LBH: variants seen among roughly 807,000 people sequenced by gnomAD.
LBH encodes protein LBH.
A neutral mutation model predicts 12.5 loss-of-function variants in LBH; 7 were observed. That is an observed-to-expected ratio of 0.56 (90% CI 0.32 to 1.05). LBH has a LOEUF of 1.05. Ranked by LOEUF, LBH falls within the 50% of genes least tolerant of loss-of-function variation. The pLI is 0.04. For missense variants in LBH, 119 were observed against 138.9 expected, an observed-to-expected ratio of 0.86 and a Z score of 0.72; for synonymous variants, 51 against 50.1, an observed-to-expected ratio of 1.02 and a Z score of -0.08.
Position 30,244,583 on chromosome 2 carries a change from C to A in LBH, c.129+10076C>A, listed in dbSNP as rs550483652. On this transcript the variant is annotated intron_variant, in intron 2 of 2. Transcript: ENST00000395323. Reference sequence around the variant, plus strand: ...CCCTTTACAAGAGGAGAACCTGTCGCAATTCAACTCACTATTGCAGTAAGA... The same window carrying A: ...CCCTTTACAAGAGGAGAACCTGTCGAAATTCAACTCACTATTGCAGTAAGA... Among the ~76,000 whole-genome samples the A allele has an allele frequency of 5.9e-5, 9 of 152,200 alleles. No homozygotes were observed. In the East Asian group the frequency reaches 1.7e-3, roughly 29 times the overall value.
Position 30,257,790 on chromosome 2 carries a change from C to CATTTTTTT in LBH, c.*169_*170insATTTTTTT. The CATTTTTTT allele has an allele frequency of 2.5e-6, 1 of 400,780 alleles. No individual in the cohort carries two copies. Among genetic ancestry groups the CATTTTTTT allele is most frequent in the Non-Finnish European group, 4.3e-6 (1 of 233,902 alleles). The allele number at this position is 400,780 out of a possible 1,614,324, so 24.8% of individuals were successfully genotyped here. ...AGTTGGTTTTCTTTTCTTTTCTTGCCTTTTTTTTTTTTTGAAATTTGCCGA... is the reference window on the plus strand; with the variant it reads ...AGTTGGTTTTCTTTTCTTTTCTTGCCATTTTTTTTTTTTTTTTTTTTGAAATTTGCCGA... On this transcript the variant is annotated 3_prime_UTR_variant, in exon 3 of 3. Coordinates refer to ENST00000395323, the MANE Select transcript of LBH (RefSeq NM_030915.4).
At chr2:30,246,628 C>G (rs1350111915) in intron 2 of LBH, among the ~76,000 whole-genome samples, 4 of 152,176 alleles carry the variant, frequency 2.6e-5, no homozygotes, top group African/African-American at 9.7e-5. Context: ...ATGTGCTTCT[C>G]CAGTCAATCT....
At chr2:30,243,525 C>CTTTTT (rs886828942) in intron 2 of LBH, among the ~76,000 whole-genome samples, 11 of 110,164 alleles carry the variant, frequency 1.0e-4, no homozygotes, top group South Asian at 3.0e-4. Context: ...GGGCTGGACT[C>CTTTTT]TTTTTTTTTT....
chr2:30,245,080 A>G (rs1161456868), intron 2 of LBH, among the ~76,000 whole-genome samples: 3 of 152,246 alleles, frequency 2.0e-5, no homozygotes, highest in African/African-American at 7.2e-5. Context: ...GTATGCATAA[A>G]TACATCTTTT....
At chr2:30,245,198 A>G (rs1441230299) in intron 2 of LBH, among the ~76,000 whole-genome samples, 1 of 152,232 alleles carries the variant, frequency 6.6e-6, no homozygotes, top group Non-Finnish European at 1.5e-5. Context: ...ACAGTTTTAC[A>G]TAGAGAAAGT....
intron 2 of LBH, 61 bp downstream of exon 2, chr2:30,234,568 G>A: frequency 7.8e-7 from 1 of 1,283,594 alleles, no homozygotes; most frequent in Non-Finnish European, 1.1e-6. Context: ...CTGGGGGTGA[G>A]GACAGACTTG....
chr2:30,243,809 G>A (rs1202648844), intron 2 of LBH, among the ~76,000 whole-genome samples: 1 of 151,950 alleles, frequency 6.6e-6, no homozygotes, highest in Non-Finnish European at 1.5e-5. Flanking sequence ...GATTACAGAC[G>A]TGAGCCACTG....
At chr2:30,251,272 T>C (rs1014853963) in intron 2 of LBH, among the ~76,000 whole-genome samples, 129 of 152,240 alleles carry the variant, frequency 8.5e-4, no homozygotes, top group African/African-American at 3.1e-3. Flanking sequence ...AAGTGGCTAC[T>C]GTACTGGACA....
chr2:30,231,537 G>T lies in LBH; in HGVS notation c.-202G>T, dbSNP rs1677583437. ...GGCTTCCCGGGCTCTTTGTGGGGCT[G>T]AGTGCTCAGTGGAGAGCGGGGAGTT... On this transcript the variant is annotated 5_prime_UTR_variant, in exon 1 of 3. Coordinates refer to ENST00000395323, the MANE Select transcript of LBH (RefSeq NM_030915.4). 5.1e-6 allele frequency: 3 copies of T among 587,144 alleles called. No individual in the cohort carries two copies. The highest frequency in any genetic ancestry group is 2.0e-5 in the South Asian group (1 of 49,034). The allele number at this position is 587,144 out of a possible 1,614,324, so 36.4% of individuals were successfully genotyped here. A position where few individuals can be genotyped will look rare whatever the true frequency, so the allele number is the denominator to read the frequency against.
chr2:30,240,017 T>C (rs1677761901), intron 2 of LBH, among the ~76,000 whole-genome samples: 1 of 152,152 alleles, frequency 6.6e-6, no homozygotes, highest in Admixed American at 6.6e-5. Flanking sequence ...GGGCCATACA[T>C]CCCGGCCTCC....
intron 2 of LBH, among the ~76,000 whole-genome samples, chr2:30,249,068 G>A (rs115762034): frequency 0.028 from 3,998 of 140,894 alleles, 67 homozygotes; most frequent in Middle Eastern, 0.08. Flanking sequence ...GAAGATGAGA[G>A]TCTTAAAGAT....
chr2:30,245,189 C>G (rs1386093145), intron 2 of LBH, among the ~76,000 whole-genome samples: 1 of 152,130 alleles, frequency 6.6e-6, no homozygotes, highest in Admixed American at 6.5e-5. Flanking sequence ...AATGGAAATA[C>G]AGTTTTACAT....
At chr2:30,240,096 G>A (rs915538949) in intron 2 of LBH, among the ~76,000 whole-genome samples, 1 of 152,220 alleles carries the variant, frequency 6.6e-6, no homozygotes, top group Non-Finnish European at 1.5e-5. Flanking sequence ...TCTCTGCTGA[G>A]CCAGGGGCTG....
At chr2:30,255,301 G>T (rs1295092678) in intron 2 of LBH, among the ~76,000 whole-genome samples, 2 of 152,106 alleles carry the variant, frequency 1.3e-5, no homozygotes, top group Non-Finnish European at 2.9e-5. Flanking sequence ...GGCGCTCCTC[G>T]CTCGGCACAT....
chr2:30,256,262 G>A (rs972710545), intron 2 of LBH, among the ~76,000 whole-genome samples: 4 of 152,172 alleles, frequency 2.6e-5, no homozygotes, highest in Non-Finnish European at 5.9e-5. Context: ...ACACAAAGTA[G>A]GCATTAAAAA....
intron 1 of LBH, 193 bp from the exon 2 acceptor site, chr2:30,234,212 C>T (rs1337501137): frequency 1.7e-5 from 10 of 572,716 alleles, no homozygotes; most frequent in Admixed American, 1.5e-4. Context: ...TTGTCTGTTG[C>T]GGCTGAGCCC....
intron 2 of LBH, among the ~76,000 whole-genome samples, chr2:30,248,296 G>A (rs1215392096): frequency 6.6e-6 from 1 of 152,298 alleles, no homozygotes; most frequent in African/African-American, 2.4e-5. Context: ...CGTCCTGGTA[G>A]TGCACTGTAG....
intron 2 of LBH, among the ~76,000 whole-genome samples, chr2:30,242,300 G>A (rs1292496055): frequency 1.3e-5 from 2 of 151,880 alleles, no homozygotes; most frequent in African/African-American, 4.8e-5. Context: ...CTGGAGTACA[G>A]TGGTGCAATC....
rs1558384880 is a variant in LBH, at chr2:30,234,385, T to C, written c.27-20T>C. ...GAAAGCGCGTGTGTTTGTTGACTTTTGGTCTGGGTTTCTTGGCAGCCCCGA... is the reference window on the plus strand; with the variant it reads ...GAAAGCGCGTGTGTTTGTTGACTTTCGGTCTGGGTTTCTTGGCAGCCCCGA... On this transcript the variant is annotated intron_variant, in intron 1 of 2. Transcript: ENST00000395323. 6.3e-7 allele frequency: 1 copy of C among 1,598,596 alleles called. No individual in the cohort carries two copies.
Sources: gnomAD v4.1 joint callset for allele counts (sites outside exome capture counted in the v4.1 genomes callset) on GRCh38, gnomAD v4.1.1 for gene constraint, MANE v1.5 for transcripts, NCBI Gene and HGNC (gene_info 2026-07-23, HGNC 2026-07-21) for gene names.